RPS6KC1: variants seen among roughly 807,000 people sequenced by gnomAD.
RPS6KC1 encodes the protein ribosomal protein S6 kinase C1.
In RPS6KC1, 54 loss-of-function variants were observed where a neutral mutation model predicts 103.8. That is an observed-to-expected ratio of 0.52 (90% CI 0.42 to 0.65). RPS6KC1 has a LOEUF of 0.65. RPS6KC1 is among the 30% of genes least tolerant of loss of function. The pLI, the probability that RPS6KC1 is intolerant of heterozygous loss-of-function variation, is 0.00. For missense variants in RPS6KC1, 1,151 were observed against 1,253.8 expected, an observed-to-expected ratio of 0.92 and a Z score of 1.24; for synonymous variants, 439 against 438.7, an observed-to-expected ratio of 1.00 and a Z score of -0.01.
the RPS6KC1 span, among the ~76,000 whole-genome samples, chr1:213,426,787 T>C: frequency 3.3e-5 from 5 of 152,228 alleles, no homozygotes; most frequent in Non-Finnish European, 7.3e-5. Context: ...AATTGTGATA[T>C]GATCTGAAAG....
the RPS6KC1 span, among the ~76,000 whole-genome samples, chr1:213,523,686 G>A: frequency 6.6e-6 from 1 of 152,162 alleles, no homozygotes; most frequent in South Asian, 2.1e-4. Context: ...TTTAGTGGGG[G>A]TTACAGAAAT....
the RPS6KC1 span, among the ~76,000 whole-genome samples, chr1:213,412,248 A>T: frequency 1.3e-4 from 20 of 152,362 alleles, no homozygotes; most frequent in East Asian, 3.7e-3. Flanking sequence ...GAGGAAACTA[A>T]TTCTAGTTTA....
chr1:213,077,626 G>A, intron 2 of RPS6KC1, 70 bp from the exon 3 acceptor site: 1 of 960,050 alleles, frequency 1.0e-6, no homozygotes, highest in Non-Finnish European at 1.5e-6. Context: ...TTTAATGAAA[G>A]GATTATTTGT....
intron 6 of RPS6KC1, among the ~76,000 whole-genome samples, chr1:213,161,652 T>C (rs1209384745): frequency 1.3e-5 from 2 of 152,198 alleles, no homozygotes; most frequent in African/African-American, 4.8e-5. Flanking sequence ...TATGGAGATA[T>C]ATCTGTTTGT....
chr1:213,769,314 C>T, the RPS6KC1 span, among the ~76,000 whole-genome samples: 1 of 152,120 alleles, frequency 6.6e-6, no homozygotes, highest in Non-Finnish European at 1.5e-5. Context: ...ATCATACTTT[C>T]CTAAACTCAA....
At chr1:213,113,305 G>A (rs1384679346) in intron 4 of RPS6KC1, among the ~76,000 whole-genome samples, 6 of 152,020 alleles carry the variant, frequency 3.9e-5, no homozygotes, top group Admixed American at 3.3e-4. Flanking sequence ...GCATTTCTCT[G>A]ATGGCCAGTG....
At chr1:213,825,556 T>A in the RPS6KC1 span, among the ~76,000 whole-genome samples, 1 of 152,130 alleles carries the variant, frequency 6.6e-6, no homozygotes, top group African/African-American at 2.4e-5. Flanking sequence ...GGCCAGCTCA[T>A]TTTTGATGGG....
chr1:213,150,947 A>G (rs1338281482), intron 6 of RPS6KC1, among the ~76,000 whole-genome samples: 2 of 117,740 alleles, frequency 1.7e-5, no homozygotes, highest in Non-Finnish European at 3.5e-5. Context: ...AGGGGGGCTG[A>G]CCCCCCCACC....
At chr1:213,401,885 C>G in the RPS6KC1 span, among the ~76,000 whole-genome samples, 1 of 152,120 alleles carries the variant, frequency 6.6e-6, no homozygotes, top group Non-Finnish European at 1.5e-5. Flanking sequence ...CTCCTGGGCT[C>G]AAGTGATTCT....
At chr1:213,214,599 C>T (rs910948296) in intron 8 of RPS6KC1, among the ~76,000 whole-genome samples, 1 of 152,152 alleles carries the variant, frequency 6.6e-6, no homozygotes, top group African/African-American at 2.4e-5. Flanking sequence ...CCCTGACCCC[C>T]GAGTAGCCTA....
chr1:213,562,286 T>A, the RPS6KC1 span, among the ~76,000 whole-genome samples: 7 of 150,422 alleles, frequency 4.7e-5, no homozygotes, highest in African/African-American at 1.7e-4. Flanking sequence ...CAGCCCAGCA[T>A]ATGATCAAGT....
At chr1:213,719,329 A>T in the RPS6KC1 span, among the ~76,000 whole-genome samples, 1 of 152,208 alleles carries the variant, frequency 6.6e-6, no homozygotes, top group African/African-American at 2.4e-5. Context: ...TGAGTATCAG[A>T]GGGTCATGTA....
At chr1:213,567,393 C>G in the RPS6KC1 span, among the ~76,000 whole-genome samples, 1 of 152,196 alleles carries the variant, frequency 6.6e-6, no homozygotes, top group Non-Finnish European at 1.5e-5. Flanking sequence ...ACTCCCGACT[C>G]CATGTGGACA....
chr1:213,297,348 A>G, the RPS6KC1 span, among the ~76,000 whole-genome samples: 1 of 152,328 alleles, frequency 6.6e-6, no homozygotes, highest in East Asian at 1.9e-4. Context: ...AGAAATACAA[A>G]CAGGAACAGG....
the RPS6KC1 span, among the ~76,000 whole-genome samples, chr1:213,605,109 C>T: frequency 3.3e-5 from 5 of 152,034 alleles, no homozygotes; most frequent in Admixed American, 1.3e-4. Flanking sequence ...TGTCATGGTG[C>T]CCTTAGCTTC....
At chr1:213,345,805 C>T in the RPS6KC1 span, among the ~76,000 whole-genome samples, 17 of 152,202 alleles carry the variant, frequency 1.1e-4, no homozygotes, top group Non-Finnish European at 2.1e-4. Flanking sequence ...ACACTCTGCT[C>T]CTTGGCCTCT....
At chr1:213,617,395 C>T in the RPS6KC1 span, among the ~76,000 whole-genome samples, 8,995 of 152,196 alleles carry the variant, frequency 0.059, 591 homozygotes, top group East Asian at 0.28. Context: ...AGGCATTGAC[C>T]TGGTTGTGGA....
chr1:213,293,077 T>C, the RPS6KC1 span, among the ~76,000 whole-genome samples: 1 of 152,224 alleles, frequency 6.6e-6, no homozygotes, highest in African/African-American at 2.4e-5. Context: ...CTCATTATTA[T>C]GGAAAATATA....
At chr1:213,258,282 T>G (rs2094699748) in intron 12 of RPS6KC1, among the ~76,000 whole-genome samples, 1 of 152,146 alleles carries the variant, frequency 6.6e-6, no homozygotes, top group African/African-American at 2.4e-5. Context: ...TTTTTGTATT[T>G]TAGTAGAGAT....
Sources: allele counts gnomAD v4.1 joint callset (sites outside exome capture counted in the v4.1 genomes callset), GRCh38; gene constraint gnomAD v4.1.1; transcripts MANE v1.5; gene names NCBI Gene and HGNC (gene_info 2026-07-23, HGNC 2026-07-21).